GLCCI1: variants seen among roughly 807,000 people sequenced by gnomAD.
GLCCI1 encodes the protein glucocorticoid induced 1.
A neutral mutation model predicts 52.2 loss-of-function variants in GLCCI1; 24 were observed. The observed-to-expected ratio is 0.46, with a 90% CI of 0.33 to 0.65. The LOEUF is 0.65. GLCCI1 is among the 30% of genes least tolerant of loss of function. The pLI, the probability that GLCCI1 is intolerant of heterozygous loss-of-function variation, is 0.02. For missense variants in GLCCI1, 704 were observed against 701.5 expected (o/e 1.00, Z -0.04); for synonymous variants, 310 against 276.5 (o/e 1.12, Z -1.20).
intron 3 of GLCCI1, among the ~76,000 whole-genome samples, chr7:8,054,928 A>ATAT (rs1248030847): frequency 3.2e-4 from 49 of 151,770 alleles, no homozygotes; most frequent in South Asian, 6.2e-4. Flanking sequence ...TAATATATTA[A>ATAT]ATATTAATAA....
chr7:7,975,198 G>A (rs954442333), intron 1 of GLCCI1, among the ~76,000 whole-genome samples: 41 of 152,248 alleles, frequency 2.7e-4, no homozygotes, highest in South Asian at 2.5e-3. Flanking sequence ...AATTATAATG[G>A]ATTAGCAGTA....
In GLCCI1 at chr7:7,969,395, C is replaced by T. The variant is rs1780286684; in HGVS notation, c.45C>T (p.Thr15=). The change falls in exon 1 of 8, where the codon ACC becomes ACT. Residue 15 remains threonine (T), a synonymous_variant. Transcript: ENST00000223145. This position sits in a 1 kb window ranked among gnomAD's most constrained non-coding sequence, Gnocchi z 4.9. ...SSSSSSSSSQ[T]PHPPSQRMRR... The stretch of plus-strand genomic sequence containing the variant: ...CCTCCTCCTCCAGTTCCTCTCAGAC[C>T]CCTCATCCCCCGTCGCAGAGGATGA... 4 of 1,437,364 alleles carry T rather than the reference C, an allele frequency of 2.8e-6. No individual in the cohort carries two copies. The highest frequency in any genetic ancestry group is 3.7e-6 in the Non-Finnish European group (4 of 1,092,840). The allele number at this position is 1,437,364 out of a possible 1,614,324, so 89.0% of individuals were successfully genotyped here. A position where few individuals can be genotyped will look rare whatever the true frequency, so the allele number is the denominator to read the frequency against.
At position 8,073,244 on chromosome 7, in the gene GLCCI1, T is replaced by C. The variant is rs529311894; in HGVS notation, c.1177+2113T>C. The stretch of plus-strand genomic sequence containing the variant: ...TGAATGGTAGCTGCTGCTATAAAAA[T>C]AGTCACCTTTATTATCACCTGTTAG... On this transcript the variant is annotated intron_variant, in intron 6 of 7. Coordinates refer to ENST00000223145, the MANE Select transcript of GLCCI1 (RefSeq NM_138426.4). Among the ~76,000 whole-genome samples, 7 of 152,290 alleles carry C rather than the reference T, an allele frequency of 4.6e-5. No individual in the cohort carries two copies. In the South Asian group the frequency reaches 1.0e-3, roughly 23 times the overall value.
At chr7:8,075,367 C>T (rs1282269407) in intron 6 of GLCCI1, among the ~76,000 whole-genome samples, 3 of 152,136 alleles carry the variant, frequency 2.0e-5, no homozygotes, top group African/African-American at 7.2e-5. Context: ...AACTAATAGC[C>T]ATAGGAACTA....
rs542375183 is a variant in GLCCI1, at chr7:8,036,694, A to G, written c.696+14125A>G. Among the ~76,000 whole-genome samples the G allele has an allele frequency of 2.0e-5, 3 of 152,342 alleles. No homozygotes were observed. The East Asian group carries it at 5.8e-4, about 29-fold the overall frequency. Reference sequence around the variant, plus strand: ...AGATATAAATGAACAGTTTATTAGGAGATACTTTTTTAAATCCACCAGAAC... The same window carrying G: ...AGATATAAATGAACAGTTTATTAGGGGATACTTTTTTAAATCCACCAGAAC... On this transcript the variant is annotated intron_variant, in intron 3 of 7. Coordinates refer to ENST00000223145, the MANE Select transcript of GLCCI1 (RefSeq NM_138426.4).
At chr7:7,973,011 C>A (rs1436531621) in intron 1 of GLCCI1, among the ~76,000 whole-genome samples, 1 of 151,682 alleles carries the variant, frequency 6.6e-6, no homozygotes. Flanking sequence ...TACATTCATT[C>A]CTGTACTTCT....
chr7:7,990,594 G>A (rs188312913), intron 1 of GLCCI1, among the ~76,000 whole-genome samples: 1 of 152,072 alleles, frequency 6.6e-6, no homozygotes, highest in Non-Finnish European at 1.5e-5. Context: ...AAGGTGTTCT[G>A]TGTATGCAGA....
chr7:7,972,053 T>C (rs1186300138), intron 1 of GLCCI1, among the ~76,000 whole-genome samples: 1 of 152,204 alleles, frequency 6.6e-6, no homozygotes, highest in Admixed American at 6.5e-5. Context: ...AAATTAAAAC[T>C]GTCCTACTAA....
chr7:8,080,465 G>A (rs1396382845), intron 6 of GLCCI1, among the ~76,000 whole-genome samples: 2 of 151,424 alleles, frequency 1.3e-5, no homozygotes, highest in Admixed American at 6.6e-5. Context: ...GAATCTGCAT[G>A]CTTTAAGCAT....
intron 5 of GLCCI1, among the ~76,000 whole-genome samples, chr7:8,063,146 TTTG>T (rs1782553110): frequency 6.6e-6 from 1 of 151,998 alleles, no homozygotes; most frequent in African/African-American, 2.4e-5. Flanking sequence ...ACTTTTTTGT[TTTG>T]TTTTTGTTAA....
At chr7:8,019,150 G>A (rs1781432585) in intron 2 of GLCCI1, among the ~76,000 whole-genome samples, 1 of 152,128 alleles carries the variant, frequency 6.6e-6, no homozygotes, top group Non-Finnish European at 1.5e-5. Flanking sequence ...AAAAATCAGT[G>A]ATCAGTGTAT....
chr7:8,074,825 A>G (rs187413159), intron 6 of GLCCI1, among the ~76,000 whole-genome samples: 4 of 152,318 alleles, frequency 2.6e-5, no homozygotes, highest in East Asian at 1.9e-4. Context: ...AATTAATTAT[A>G]TAATTTTGAA....
intron 1 of GLCCI1, chr7:7,981,851 A>C (rs776685892): frequency 9.1e-5 from 40 of 440,596 alleles, no homozygotes; most frequent in Non-Finnish European, 1.6e-4. Context: ...ATAATGTTGT[A>C]CTAGATGAGC....
chr7:8,009,519 G>C (rs1781219739), intron 2 of GLCCI1, among the ~76,000 whole-genome samples: 1 of 152,146 alleles, frequency 6.6e-6, no homozygotes, highest in East Asian at 1.9e-4. Context: ...CACATGATAG[G>C]ATTCTACTTC....
At chr7:8,078,848 T>C (rs911944549) in intron 6 of GLCCI1, 7 of 152,200 alleles carry the variant, frequency 4.6e-5, no homozygotes, top group Non-Finnish European at 7.3e-5. Context: ...GTAGTAAATA[T>C]TGGAGATGGA....
intron 1 of GLCCI1, among the ~76,000 whole-genome samples, chr7:7,971,388 G>A (rs116198512): frequency 2.5e-3 from 386 of 152,332 alleles, no homozygotes; most frequent in African/African-American, 8.7e-3. Flanking sequence ...AGAACTGTAT[G>A]AAATGAGAAG....
intron 1 of GLCCI1, among the ~76,000 whole-genome samples, chr7:7,989,202 C>A (rs965492061): frequency 6.6e-6 from 1 of 152,066 alleles, no homozygotes; most frequent in South Asian, 2.1e-4. Flanking sequence ...CTAGCATTAC[C>A]ACCCTTACTG....
At chr7:8,042,022 A>G (rs796275670) in intron 3 of GLCCI1, among the ~76,000 whole-genome samples, 7 of 152,274 alleles carry the variant, frequency 4.6e-5, no homozygotes, top group African/African-American at 1.7e-4. Context: ...TAGCACATCT[A>G]TTTACAACAT....
intron 1 of GLCCI1, among the ~76,000 whole-genome samples, chr7:7,997,828 G>C (rs1780964171): frequency 6.6e-6 from 1 of 151,990 alleles, no homozygotes; most frequent in African/African-American, 2.4e-5. Flanking sequence ...TCGGGAGCCT[G>C]AGACATGAGA....
Sources: gnomAD v4.1 joint callset for allele counts (sites outside exome capture counted in the v4.1 genomes callset) on GRCh38, gnomAD v4.1.1 for gene constraint, Gnocchi (gnomAD v3.1) non-coding constraint, MANE v1.5 for transcripts, NCBI Gene and HGNC (gene_info 2026-07-23, HGNC 2026-07-21) for gene names.